The following CAMK4 variants were observed in gnomAD, a reference collection of about 807,000 sequenced individuals.
The protein encoded by CAMK4 is calcium/calmodulin-dependent protein kinase type IV.
In CAMK4, 22 loss-of-function variants were observed where a neutral mutation model predicts 44.9. The observed-to-expected ratio is 0.49, with a 90% CI of 0.35 to 0.70. CAMK4 has a LOEUF of 0.70. CAMK4 is among the 30% of genes least tolerant of loss of function. CAMK4 has a pLI of 0.01. For synonymous variants in CAMK4, 218 were observed against 215.4 expected (o/e 1.01, Z -0.11); for missense variants, 498 against 586.8 (o/e 0.85, Z 1.56).
intron 1 of CAMK4, among the ~76,000 whole-genome samples, chr5:111,322,127 A>G (rs553047156): frequency 2.6e-5 from 4 of 152,194 alleles, no homozygotes; most frequent in African/African-American, 7.2e-5. Context: ...AAGGGCTGTG[A>G]TCATTGAGAG....
At chr5:111,278,427 G>A (rs1027532436) in intron 1 of CAMK4, among the ~76,000 whole-genome samples, 1 of 152,064 alleles carries the variant, frequency 6.6e-6, no homozygotes, top group African/African-American at 2.4e-5. Flanking sequence ...TTTGGGAAAA[G>A]TCACTCACAA....
At chr5:111,270,511 T>C (rs1323768733) in intron 1 of CAMK4, among the ~76,000 whole-genome samples, 1 of 152,212 alleles carries the variant, frequency 6.6e-6, no homozygotes, top group East Asian at 1.9e-4. Context: ...ATCCCAACCT[T>C]GGATCACAAC....
At chr5:111,373,542 T>C (rs1317798310) in intron 2 of CAMK4, among the ~76,000 whole-genome samples, 4 of 152,152 alleles carry the variant, frequency 2.6e-5, no homozygotes, top group African/African-American at 9.7e-5. Flanking sequence ...CATTAAAGAA[T>C]GAAAATTAAA....
chr5:111,298,937 G>A (rs557032004), intron 1 of CAMK4, among the ~76,000 whole-genome samples: 3 of 152,206 alleles, frequency 2.0e-5, no homozygotes, highest in Non-Finnish European at 4.4e-5. Flanking sequence ...CCTTATTGAC[G>A]ACCACCTGCA....
chr5:111,224,389 T>C lies in CAMK4; in HGVS notation c.-95T>C. 1 of 1,440,018 alleles carries C rather than the reference T, an allele frequency of 6.9e-7. No individual in the cohort carries two copies. Among genetic ancestry groups the C allele is most frequent in the Non-Finnish European group, 9.1e-7 (1 of 1,101,476 alleles). The allele number at this position is 1,440,018 out of a possible 1,614,324, so 89.2% of individuals were successfully genotyped here. On this transcript the variant is annotated 5_prime_UTR_variant, in exon 1 of 11. Transcript: ENST00000282356. The surrounding 1 kb of genome is among the most constrained non-coding windows in gnomAD (Gnocchi z 5.7). ...GCGCGTGAAGGACGCCGCCTCTCTC[T>C]CGCTCCTGCGTTCGCAGGCGGCGGC...
At chr5:111,477,617 A>G (rs1223710375) in intron 8 of CAMK4, among the ~76,000 whole-genome samples, 1 of 152,186 alleles carries the variant, frequency 6.6e-6, no homozygotes, top group Non-Finnish European at 1.5e-5. Context: ...TGCCCAAGAT[A>G]GTTCTCCGTC....
intron 5 of CAMK4, among the ~76,000 whole-genome samples, chr5:111,415,400 C>G (rs767292996): frequency 5.3e-5 from 8 of 152,140 alleles, no homozygotes; most frequent in Admixed American, 2.0e-4. Flanking sequence ...CCCCAAAGTA[C>G]AAGAGTAGTG....
At chr5:111,322,329 G>C (rs1748697663) in intron 1 of CAMK4, among the ~76,000 whole-genome samples, 2 of 152,160 alleles carry the variant, frequency 1.3e-5, no homozygotes, top group South Asian at 2.1e-4. Flanking sequence ...AAACATTGCT[G>C]ATCACCTCAG....
At chr5:111,287,258 C>T (rs993508158) in intron 1 of CAMK4, among the ~76,000 whole-genome samples, 7 of 152,076 alleles carry the variant, frequency 4.6e-5, no homozygotes, top group African/African-American at 1.4e-4. Flanking sequence ...GTGTACAGCT[C>T]ATGCTAAGGT....
Position 111,484,930 on chromosome 5 carries a change from T to C in CAMK4, c.*464T>C, listed in dbSNP as rs1188079847. ...CATTTTACTTTTTATCATTGATGTGTTCAAACTGTTTACAAGGAGATGCTT... is the reference window on the plus strand; with the variant it reads ...CATTTTACTTTTTATCATTGATGTGCTCAAACTGTTTACAAGGAGATGCTT... On this transcript the variant is annotated 3_prime_UTR_variant, in exon 11 of 11. Coordinates refer to ENST00000282356, the MANE Select transcript of CAMK4 (RefSeq NM_001744.6). The surrounding 1 kb of genome is among the most constrained non-coding windows in gnomAD (Gnocchi z 5.3). 2 of 152,582 alleles carry C rather than the reference T, an allele frequency of 1.3e-5. No homozygotes were observed. Among genetic ancestry groups the C allele is most frequent in the East Asian group, 3.8e-4 (2 of 5,202 alleles). 9.5% of individuals were successfully genotyped at this position (152,582 alleles called of 1,614,324 possible). A position where few individuals can be genotyped will look rare whatever the true frequency, so the allele number is the denominator to read the frequency against.
At chr5:111,458,040 A>G (rs1395696194) in intron 7 of CAMK4, among the ~76,000 whole-genome samples, 2 of 152,220 alleles carry the variant, frequency 1.3e-5, no homozygotes, top group African/African-American at 2.4e-5. Flanking sequence ...GAAAACGACC[A>G]TCAGGGAAGG....
At chr5:111,336,437 A>G (rs1421691236) in intron 1 of CAMK4, among the ~76,000 whole-genome samples, 1 of 150,896 alleles carries the variant, frequency 6.6e-6, no homozygotes, top group East Asian at 2.0e-4. Context: ...AATTATATTT[A>G]CACACTTAAG....
chr5:111,294,298 G>C (rs140390087), intron 1 of CAMK4, among the ~76,000 whole-genome samples: 3 of 152,256 alleles, frequency 2.0e-5, no homozygotes, highest in East Asian at 3.9e-4. Flanking sequence ...TGCTAAAAAT[G>C]CTATTTAGGT....
chr5:111,422,130 C>T (rs1753054818), intron 5 of CAMK4, among the ~76,000 whole-genome samples: 1 of 152,170 alleles, frequency 6.6e-6, no homozygotes, highest in Admixed American at 6.5e-5. Context: ...CTGTGAGACA[C>T]TTGATTCTAA....
At chr5:111,328,097 C>T (rs540364712) in intron 1 of CAMK4, among the ~76,000 whole-genome samples, 48 of 128,842 alleles carry the variant, frequency 3.7e-4, no homozygotes, top group African/African-American at 1.5e-3. Flanking sequence ...TGCCTGTGTC[C>T]TGAATGGTAT....
chr5:111,398,901 T>G (rs1752120673), intron 5 of CAMK4, among the ~76,000 whole-genome samples: 1 of 152,134 alleles, frequency 6.6e-6, no homozygotes. Flanking sequence ...ATAACCCAAA[T>G]TTGACAATTT....
intron 5 of CAMK4, among the ~76,000 whole-genome samples, chr5:111,429,759 CAG>C (rs1016272829): frequency 1.1e-4 from 11 of 101,806 alleles, no homozygotes; most frequent in Admixed American, 1.6e-4. Context: ...GGCTGGGTGA[CAG>C]AGTGAGACCT....
chr5:111,438,881 T>C (rs1753734523), intron 5 of CAMK4, among the ~76,000 whole-genome samples: 1 of 152,180 alleles, frequency 6.6e-6, no homozygotes, highest in Non-Finnish European at 1.5e-5. Flanking sequence ...CATTTAAAAT[T>C]TGGAATATTT....
chr5:111,335,372 G>A (rs1749357463), intron 1 of CAMK4, among the ~76,000 whole-genome samples: 1 of 151,352 alleles, frequency 6.6e-6, no homozygotes, highest in Non-Finnish European at 1.5e-5. Flanking sequence ...GATTTGATCT[G>A]TATTTGGCCC....
Sources: allele counts gnomAD v4.1 joint callset (sites outside exome capture counted in the v4.1 genomes callset), GRCh38; gene constraint gnomAD v4.1.1; non-coding constraint Gnocchi (gnomAD v3.1); transcripts MANE v1.5; gene names NCBI Gene and HGNC (gene_info 2026-07-23, HGNC 2026-07-21).